Variants in SLC41A2 observed in about 807,000 individuals in gnomAD.
SLC41A2 encodes the protein SLC41A1-like 1.
A neutral mutation model predicts 58.3 loss-of-function variants in SLC41A2; 32 were observed. The observed-to-expected ratio is 0.55, with a 90% CI of 0.41 to 0.74. The LOEUF is 0.74. Ranked by LOEUF, SLC41A2 falls within the 30% of genes least tolerant of loss-of-function variation. The pLI is 0.00. For synonymous variants in SLC41A2, 190 were observed against 235.0 expected, an observed-to-expected ratio of 0.81 and a Z score of 1.75; for missense variants, 514 against 680.6, an observed-to-expected ratio of 0.76 and a Z score of 2.72.
intron 2 of SLC41A2, among the ~76,000 whole-genome samples, chr12:104,918,676 C>G (rs2046447415): frequency 6.7e-6 from 1 of 150,300 alleles, no homozygotes; most frequent in East Asian, 1.9e-4. Flanking sequence ...AAGGAAGGGC[C>G]CGGGCTAAGG....
chr12:104,852,051 T>G (rs1020293155), intron 8 of SLC41A2: 2 of 152,218 alleles, frequency 1.3e-5, no homozygotes, highest in African/African-American at 4.8e-5. Flanking sequence ...TCTCAGAAAT[T>G]GAAAGCGGCA....
chr12:104,935,360 C>A (rs1191813860), intron 1 of SLC41A2, among the ~76,000 whole-genome samples: 2 of 149,370 alleles, frequency 1.3e-5, no homozygotes, highest in African/African-American at 5.0e-5. Flanking sequence ...TTTCAATATT[C>A]TCACCACAAA....
intron 8 of SLC41A2, among the ~76,000 whole-genome samples, chr12:104,853,915 T>TATTA (rs1565842625): frequency 8.0e-6 from 1 of 125,024 alleles, no homozygotes. Flanking sequence ...TGGCTGATTT[T>TATTA]TTTTTTTTTT....
intron 8 of SLC41A2, 69 bp from the exon 9 acceptor site, chr12:104,846,043 G>A (rs938158624): frequency 1.3e-6 from 2 of 1,507,148 alleles, no homozygotes; most frequent in Non-Finnish European, 1.8e-6. Flanking sequence ...TCAACCAAAA[G>A]CAAGCCTCTT....
chr12:104,933,155 G>C (rs1341024449), intron 1 of SLC41A2, among the ~76,000 whole-genome samples: 2 of 152,092 alleles, frequency 1.3e-5, no homozygotes, highest in Admixed American at 6.6e-5. Flanking sequence ...CTAATATCCA[G>C]GTTCTACAAG....
intron 10 of SLC41A2, among the ~76,000 whole-genome samples, chr12:104,836,980 A>T (rs2136300711): frequency 6.6e-6 from 1 of 152,342 alleles, no homozygotes; most frequent in East Asian, 1.9e-4. Flanking sequence ...GTAAAATCAT[A>T]CATCATGAAT....
At chr12:104,831,354 G>A (rs553599158) in intron 10 of SLC41A2, among the ~76,000 whole-genome samples, 1 of 152,256 alleles carries the variant, frequency 6.6e-6, no homozygotes, top group African/African-American at 2.4e-5. Flanking sequence ...TGGGATTACA[G>A]GCATGAGCCA....
At chr12:104,821,891 T>C (rs996474143) in intron 10 of SLC41A2, among the ~76,000 whole-genome samples, 3 of 152,224 alleles carry the variant, frequency 2.0e-5, no homozygotes, top group South Asian at 4.1e-4. Flanking sequence ...TCATTGTTCT[T>C]TATTCAACAG....
At chr12:104,812,643 G>A (rs1474897969) in intron 10 of SLC41A2, among the ~76,000 whole-genome samples, 3 of 151,980 alleles carry the variant, frequency 2.0e-5, no homozygotes, top group Non-Finnish European at 4.4e-5. Context: ...GAGAAAAATG[G>A]GATTCAGGAA....
chr12:104,828,416 A>G (rs920842616), intron 10 of SLC41A2, among the ~76,000 whole-genome samples: 2 of 152,218 alleles, frequency 1.3e-5, no homozygotes, highest in African/African-American at 4.8e-5. Context: ...AGTATACAGA[A>G]AGCCGTCTGT....
At chr12:104,866,380 G>GCACA (rs1565854101) in intron 7 of SLC41A2, 52 bp downstream of exon 7, 1 of 1,381,714 alleles carries the variant, frequency 7.2e-7, no homozygotes, top group South Asian at 1.7e-5. Flanking sequence ...ACAGACAGAC[G>GCACA]TACACACACA....
At chr12:104,875,445 T>A (rs1326561227) in intron 6 of SLC41A2, among the ~76,000 whole-genome samples, 2 of 152,226 alleles carry the variant, frequency 1.3e-5, no homozygotes, top group East Asian at 1.9e-4. Flanking sequence ...CTAGTTTTGT[T>A]TTCTTGTGGT....
At chr12:104,825,989 A>C (rs2041830307) in intron 10 of SLC41A2, among the ~76,000 whole-genome samples, 2 of 152,170 alleles carry the variant, frequency 1.3e-5, no homozygotes. Context: ...AGCACCTGCC[A>C]AGGTCACCAG....
chr12:104,815,992 A>G (rs540934723), intron 10 of SLC41A2, among the ~76,000 whole-genome samples: 7 of 152,162 alleles, frequency 4.6e-5, no homozygotes, highest in African/African-American at 7.2e-5. Flanking sequence ...CCTGGGTACT[A>G]TGGTGGGTAT....
At chr12:104,912,237 C>A (rs1019888658) in intron 2 of SLC41A2, among the ~76,000 whole-genome samples, 1 of 152,144 alleles carries the variant, frequency 6.6e-6, no homozygotes, top group Non-Finnish European at 1.5e-5. Context: ...TTTAGTGATA[C>A]ACAAAGTGAT....
At chr12:104,899,019 CT>C (rs1191963212) in intron 3 of SLC41A2, among the ~76,000 whole-genome samples, 2 of 152,172 alleles carry the variant, frequency 1.3e-5, no homozygotes, top group East Asian at 1.9e-4. Context: ...TCATTCATTG[CT>C]GGTGTAAAGG....
At position 104,866,528 on chromosome 12, in the gene SLC41A2, G is replaced by A; in HGVS notation, c.1079C>T (p.Thr360Ile). ...PLVGVFFLAL[T>I]PIWIIIAAKH... ...GGCAGCTATTATAATCCAAATAGGG[G>A]TTAGAGCCAAGAAAAATACACCAAC... is the stretch of plus-strand genomic sequence containing the variant. Residue 360 changes from threonine (T) to isoleucine (I), a missense_variant, in exon 7 of 11, where the codon ACC (threonine) becomes ATC (isoleucine). Physicochemically the swap from Thr to Ile is moderately conservative, Grantham distance 89. This residue lies in a region of SLC41A2 where 336 missense variants were observed against 430.0 expected (regional missense o/e 0.78). Coordinates refer to ENST00000258538, the MANE Select transcript of SLC41A2 (RefSeq NM_001352171.3). The A allele has an allele frequency of 6.2e-7, 1 of 1,611,814 alleles. No individual in the cohort carries two copies. Among genetic ancestry groups the A allele is most frequent in the Non-Finnish European group, 8.5e-7 (1 of 1,179,156 alleles).
intron 4 of SLC41A2, among the ~76,000 whole-genome samples, chr12:104,893,033 G>A (rs1208226495): frequency 6.6e-6 from 1 of 152,132 alleles, no homozygotes; most frequent in East Asian, 1.9e-4. Context: ...TTTCTGCACA[G>A]CAAAGGAAAC....
intron 3 of SLC41A2, among the ~76,000 whole-genome samples, chr12:104,902,142 G>GA (rs372889972): frequency 4.2e-4 from 63 of 149,238 alleles, no homozygotes; most frequent in South Asian, 2.4e-3. Flanking sequence ...GCACATAAAT[G>GA]AAAAAAAAAC....
Sources: allele counts gnomAD v4.1 joint callset (sites outside exome capture counted in the v4.1 genomes callset), GRCh38; gene constraint gnomAD v4.1.1; regional missense constraint gnomAD v4.1.1; transcripts MANE v1.5; gene names NCBI Gene and HGNC (gene_info 2026-07-23, HGNC 2026-07-21).